ENAH: variants seen among roughly 807,000 people sequenced by gnomAD.
ENAH encodes the protein protein enabled homolog.
A neutral mutation model predicts 78.7 loss-of-function variants in ENAH; 23 were observed. The observed-to-expected ratio is 0.29, with a 90% CI of 0.21 to 0.41. The LOEUF (loss-of-function observed/expected upper bound fraction) is 0.41, where lower values mean the gene tolerates loss of function less well. Among genes scored for constraint, ENAH ranks in the 10% least tolerant of loss-of-function variants. The pLI is 1.00. For synonymous variants in ENAH, 226 were observed against 241.0 expected (o/e 0.94, Z 0.58); for missense variants, 544 against 691.0 (o/e 0.79, Z 2.39).
intron 1 of ENAH, among the ~76,000 whole-genome samples, chr1:225,594,701 C>G (rs1480825056): frequency 6.6e-6 from 1 of 152,130 alleles, no homozygotes; most frequent in African/African-American, 2.4e-5. Flanking sequence ...AACATAATGC[C>G]CAGCAGGAAC....
At position 225,490,454 on chromosome 1, in the gene ENAH, T is replaced by A. The variant is rs2150989973; in HGVS notation, c.*7321A>T. On this transcript the variant is annotated 3_prime_UTR_variant, in exon 14 of 14. Coordinates refer to ENST00000366843, the MANE Select transcript of ENAH (RefSeq NM_018212.6). ...CGGGCATGGTGGCACGCGCCTGTAG[T>A]CCCAGCTACTTGGGAGGCTGAGGCA... The A allele has an allele frequency of 6.6e-6, 1 of 152,228 alleles. No individual in the cohort carries two copies. Among genetic ancestry groups the A allele is most frequent in the East Asian group, 1.9e-4 (1 of 5,170 alleles). 9.4% of individuals were successfully genotyped at this position (152,228 alleles called of 1,614,324 possible). A position where few individuals can be genotyped will look rare whatever the true frequency, so the allele number is the denominator to read the frequency against.
At chr1:225,567,165 T>G in intron 2 of ENAH, 84 bp downstream of exon 2, 1 of 1,473,202 alleles carries the variant, frequency 6.8e-7, no homozygotes, top group Admixed American at 2.1e-5. Flanking sequence ...GATTACAGTT[T>G]TAAAACTACT....
chr1:225,644,198 A>G (rs1661553203), intron 1 of ENAH, among the ~76,000 whole-genome samples: 1 of 152,176 alleles, frequency 6.6e-6, no homozygotes. Flanking sequence ...TATACTTTCC[A>G]TACCTTCTAA....
intron 1 of ENAH, among the ~76,000 whole-genome samples, chr1:225,616,466 A>C (rs1240994951): frequency 1.3e-5 from 2 of 152,214 alleles, no homozygotes; most frequent in Admixed American, 6.5e-5. Context: ...TTATTCATAC[A>C]AGTAAATTTC....
At chr1:225,540,694 T>C (rs2096584634) in intron 3 of ENAH, among the ~76,000 whole-genome samples, 1 of 148,714 alleles carries the variant, frequency 6.7e-6, no homozygotes, top group East Asian at 1.9e-4. Flanking sequence ...AAAACGTTTA[T>C]TTAAAAAAAA....
chr1:225,548,660 T>C (rs968681505), intron 3 of ENAH, among the ~76,000 whole-genome samples: 6 of 152,318 alleles, frequency 3.9e-5, no homozygotes, highest in African/African-American at 1.2e-4. Context: ...CAGCTCTCCA[T>C]GTCAACCTTT....
chr1:225,541,800 T>C (rs1057053087), intron 3 of ENAH, among the ~76,000 whole-genome samples: 1 of 152,232 alleles, frequency 6.6e-6, no homozygotes, highest in Admixed American at 6.5e-5. Flanking sequence ...TATTCTCACT[T>C]GAAAAACAAA....
chr1:225,531,136 T>C (rs1186482858), intron 3 of ENAH: 3 of 397,966 alleles, frequency 7.5e-6, no homozygotes, highest in Non-Finnish European at 8.9e-6. Flanking sequence ...ATTTATCAAA[T>C]TTGCCCAATT....
At chr1:225,579,413 A>G (rs1390621568) in intron 1 of ENAH, among the ~76,000 whole-genome samples, 4 of 152,252 alleles carry the variant, frequency 2.6e-5, no homozygotes, top group Admixed American at 6.5e-5. Context: ...ATGTTAACCT[A>G]TAACAAAAAC....
intron 1 of ENAH, among the ~76,000 whole-genome samples, chr1:225,631,654 A>C (rs1344867299): frequency 6.6e-6 from 1 of 152,102 alleles, no homozygotes; most frequent in Admixed American, 6.5e-5. Context: ...CTATAAAATC[A>C]CAAGCCCAAA....
In ENAH at chr1:225,652,753, G is replaced by T. The variant is rs1424636886; in HGVS notation, c.-63C>A. The T allele has an allele frequency of 1.5e-6, 2 of 1,293,146 alleles. No individual in the cohort carries two copies. The highest frequency in any genetic ancestry group is 2.4e-5 in the South Asian group (1 of 41,934). 80.1% of individuals were successfully genotyped at this position (1,293,146 alleles called of 1,614,324 possible). On this transcript the variant is annotated 5_prime_UTR_variant, in exon 1 of 14. Transcript: ENST00000366843. ...GACGCAGAAGGCGCCGAGCCGAGGG[G>T]GGGGTCTCTCCTCCAGGGGTGGGGA...
At chr1:225,556,234 G>A (rs2096666195) in intron 2 of ENAH, among the ~76,000 whole-genome samples, 1 of 152,226 alleles carries the variant, frequency 6.6e-6, no homozygotes, top group Admixed American at 6.5e-5. Flanking sequence ...ATACCCAGGA[G>A]TGGAAATATC....
intron 1 of ENAH, among the ~76,000 whole-genome samples, chr1:225,623,430 A>G (rs1028760364): frequency 2.0e-5 from 3 of 152,102 alleles, no homozygotes; most frequent in African/African-American, 7.2e-5. Context: ...TTGTATATTC[A>G]AAAATATGAT....
At chr1:225,514,970 T>C in intron 6 of ENAH, 70 bp from the exon 7 acceptor site, 1 of 1,256,098 alleles carries the variant, frequency 8.0e-7, no homozygotes, top group Non-Finnish European at 1.1e-6. Flanking sequence ...TGTGGGAAGG[T>C]ACGCAGAATG....
intron 1 of ENAH, among the ~76,000 whole-genome samples, chr1:225,622,275 G>A (rs537398934): frequency 6.6e-6 from 1 of 152,164 alleles, no homozygotes; most frequent in East Asian, 1.9e-4. Context: ...TTAAATATGT[G>A]ACATTTATTG....
At chr1:225,503,127 C>A (rs1415025532) in intron 11 of ENAH, among the ~76,000 whole-genome samples, 1 of 152,108 alleles carries the variant, frequency 6.6e-6, no homozygotes, top group Admixed American at 6.5e-5. Context: ...ATCACCACCA[C>A]CACCACCATG....
intron 4 of ENAH, among the ~76,000 whole-genome samples, chr1:225,525,248 T>G (rs948310573): frequency 7.9e-5 from 12 of 152,200 alleles, no homozygotes; most frequent in Admixed American, 7.2e-4. Context: ...CCAAAACTTT[T>G]TCTTCTCCAT....
chr1:225,560,661 G>A (rs572356793), intron 2 of ENAH, among the ~76,000 whole-genome samples: 4 of 152,172 alleles, frequency 2.6e-5, no homozygotes, highest in African/African-American at 9.6e-5. Flanking sequence ...CCACCCTCCT[G>A]ATGTGGTTTT....
At chr1:225,597,647 G>A (rs2096908393) in intron 1 of ENAH, among the ~76,000 whole-genome samples, 1 of 112,164 alleles carries the variant, frequency 8.9e-6, no homozygotes, top group African/African-American at 4.0e-5. Flanking sequence ...GACAGTGCAA[G>A]AGCATCTCAA....
Sources: allele counts gnomAD v4.1 joint callset (sites outside exome capture counted in the v4.1 genomes callset), GRCh38; gene constraint gnomAD v4.1.1; transcripts MANE v1.5; gene names NCBI Gene and HGNC (gene_info 2026-07-23, HGNC 2026-07-21).